RBFOX1: variants seen among roughly 807,000 people sequenced by gnomAD.
The protein encoded by RBFOX1 is RNA binding fox-1 homolog 1, also known as RNA binding protein fox-1 homolog 1.
In RBFOX1, 8 loss-of-function variants were observed where a neutral mutation model predicts 57.7. The observed-to-expected ratio is 0.14, with a 90% confidence interval of 0.08 to 0.25. RBFOX1 has a LOEUF of 0.25. Ranked by LOEUF, RBFOX1 falls within the 10% of genes least tolerant of loss-of-function variation. The pLI is 1.00. For synonymous variants in RBFOX1, 326 were observed against 222.4 expected, an observed-to-expected ratio of 1.47 and a Z score of -4.15; for missense variants, 611 against 548.5, an observed-to-expected ratio of 1.11 and a Z score of -1.14.
chr16:6,823,225 G>A (rs547169803), intron 3 of RBFOX1, among the ~76,000 whole-genome samples: 2 of 151,642 alleles, frequency 1.3e-5, no homozygotes, highest in South Asian at 2.1e-4. Context: ...CTGACCTCTT[G>A]GCCCATCTGA....
intron 1 of RBFOX1, among the ~76,000 whole-genome samples, chr16:6,312,533 A>G (rs565591171): frequency 3.3e-5 from 5 of 152,296 alleles, no homozygotes; most frequent in African/African-American, 1.2e-4. Flanking sequence ...AGCCAGGATC[A>G]GGCGCTGCAG....
In RBFOX1 at chr16:6,008,289, G is replaced by A. The variant is rs141129118; in HGVS notation, c.351+140954G>A. On this transcript the variant is annotated intron_variant, in intron 4 of 19. Coordinates refer to the RBFOX1 transcript ENST00000641259. ...GATGGAGCAGTTCAGAAGCAGGAAG[G>A]TGGCCAGGAGTGTGGTGTTCCTGAA... 7.6e-3 allele frequency among the ~76,000 whole-genome samples: 1,133 copies of A among 149,334 alleles called. 5 individuals carry two copies. The highest frequency in any genetic ancestry group is 0.012 in the Non-Finnish European group (807 of 67,782).
Position 5,789,540 on chromosome 16 carries a change from A to G in RBFOX1, c.319-77763A>G, listed in dbSNP as rs115061236. On this transcript the variant is annotated intron_variant, in intron 3 of 19. Coordinates refer to the RBFOX1 transcript ENST00000641259. ...CATTTAACGTGTTAGTTTCATCATC[A>G]TCATCGTCATCATCATCACTAGTAC... Among the ~76,000 whole-genome samples, 1,202 of 152,260 alleles carry G rather than the reference A, an allele frequency of 7.9e-3. 19 individuals carry two copies. The highest frequency in any genetic ancestry group is 0.028 in the African/African-American group (1,165 of 41,536).
chr16:6,760,513 G>C (rs549607244), intron 3 of RBFOX1, among the ~76,000 whole-genome samples: 52 of 152,184 alleles, frequency 3.4e-4, no homozygotes, highest in Non-Finnish European at 4.3e-4. Flanking sequence ...GGACTGAGTG[G>C]TATGTGAAAA....
At chr16:6,959,197 G>A (rs1490947834) in intron 3 of RBFOX1, among the ~76,000 whole-genome samples, 2 of 152,076 alleles carry the variant, frequency 1.3e-5, no homozygotes, top group Non-Finnish European at 2.9e-5. Flanking sequence ...ATACTCGCTC[G>A]ATTTCAGATT....
At chr16:5,772,306 A>G (rs1358067494) in intron 3 of RBFOX1, among the ~76,000 whole-genome samples, 3 of 152,176 alleles carry the variant, frequency 2.0e-5, no homozygotes, top group Non-Finnish European at 4.4e-5. Flanking sequence ...GGCTCCCTCC[A>G]TGTAGAGTCT....
chr16:7,261,795 C>T (rs377504441), intron 4 of RBFOX1, among the ~76,000 whole-genome samples: 2 of 152,214 alleles, frequency 1.3e-5, no homozygotes, highest in African/African-American at 4.8e-5. Context: ...CTAAGAATCC[C>T]CTGGAGAGCT....
intron 2 of RBFOX1, among the ~76,000 whole-genome samples, chr16:5,556,025 AAAC>A (rs1378167725): frequency 1.6e-5 from 2 of 128,676 alleles, no homozygotes; most frequent in Non-Finnish European, 3.0e-5. Context: ...TGTCTCAAAA[AAAC>A]AAACAAACAA....
At chr16:6,166,499 A>G (rs757619553) in intron 1 of RBFOX1, among the ~76,000 whole-genome samples, 1 of 151,696 alleles carries the variant, frequency 6.6e-6, no homozygotes, top group Non-Finnish European at 1.5e-5. Context: ...TCCATCACAT[A>G]TCTCTGTTTT....
At chr16:6,155,774 C>G (rs2096834185) in intron 1 of RBFOX1, among the ~76,000 whole-genome samples, 1 of 152,142 alleles carries the variant, frequency 6.6e-6, no homozygotes, top group African/African-American at 2.4e-5. Flanking sequence ...ATGTGGGACT[C>G]TGCTGTGGCA....
At chr16:6,209,963 G>C (rs1484789018) in intron 1 of RBFOX1, among the ~76,000 whole-genome samples, 2 of 151,938 alleles carry the variant, frequency 1.3e-5, no homozygotes, top group African/African-American at 4.8e-5. Flanking sequence ...CTTTTTGTTT[G>C]TTTTTTTACT....
At chr16:6,955,743 C>A (rs1431221300) in intron 3 of RBFOX1, among the ~76,000 whole-genome samples, 1 of 150,168 alleles carries the variant, frequency 6.7e-6, no homozygotes, top group Admixed American at 6.6e-5. Flanking sequence ...CACTCTTGTT[C>A]CCCAAGCTGG....
intron 3 of RBFOX1, among the ~76,000 whole-genome samples, chr16:6,823,933 G>A (rs1603629152): frequency 6.6e-6 from 1 of 152,162 alleles, no homozygotes; most frequent in Non-Finnish European, 1.5e-5. Context: ...ATCAGTGTAA[G>A]AAACGGTGTC....
intron 4 of RBFOX1, among the ~76,000 whole-genome samples, chr16:7,465,787 C>T (rs60461269): frequency 0.027 from 4,098 of 152,284 alleles, 170 homozygotes; most frequent in African/African-American, 0.093. Context: ...CAGGAATATG[C>T]ATTTATAACA....
chr16:5,755,829 C>A (rs959455232), intron 3 of RBFOX1, among the ~76,000 whole-genome samples: 1 of 152,022 alleles, frequency 6.6e-6, no homozygotes, highest in African/African-American at 2.4e-5. Flanking sequence ...AACTCCTGAC[C>A]TCAGGTGATC....
At chr16:6,604,630 A>T (rs2097901560) in intron 2 of RBFOX1, among the ~76,000 whole-genome samples, 1 of 152,368 alleles carries the variant, frequency 6.6e-6, no homozygotes, top group East Asian at 1.9e-4. Context: ...GGTACTGAGT[A>T]TATAAAACCC....
chr16:6,893,598 C>T (rs760308535), intron 3 of RBFOX1, among the ~76,000 whole-genome samples: 1 of 152,130 alleles, frequency 6.6e-6, no homozygotes, highest in Non-Finnish European at 1.5e-5. Flanking sequence ...ATCTCCTCTC[C>T]AGTTTTTATA....
At chr16:7,315,302 A>T (rs774826797) in intron 4 of RBFOX1, among the ~76,000 whole-genome samples, 1 of 152,156 alleles carries the variant, frequency 6.6e-6, no homozygotes, top group East Asian at 1.9e-4. Context: ...ATTTTTGTCT[A>T]TGATAAAATC....
At chr16:5,759,587 G>A (rs1276504578) in intron 3 of RBFOX1, among the ~76,000 whole-genome samples, 1 of 152,182 alleles carries the variant, frequency 6.6e-6, no homozygotes, top group African/African-American at 2.4e-5. Context: ...AGAACATGAG[G>A]TTCCTTTTGC....
Sources: gnomAD v4.1 joint callset for allele counts (sites outside exome capture counted in the v4.1 genomes callset) on GRCh38, gnomAD v4.1.1 for gene constraint, MANE v1.5 for transcripts, NCBI Gene and HGNC (gene_info 2026-07-23, HGNC 2026-07-21) for gene names.